HIKESHI: variants seen among roughly 807,000 people sequenced by gnomAD.
The protein encoded by HIKESHI is protein Hikeshi.
A neutral mutation model predicts 25.7 loss-of-function variants in HIKESHI; 13 were observed. The observed-to-expected ratio is 0.51, with a 90% CI of 0.33 to 0.80. The LOEUF (loss-of-function observed/expected upper bound fraction) is 0.80, where lower values mean the gene tolerates loss of function less well. HIKESHI is among the 30% of genes least tolerant of loss of function. HIKESHI has a pLI of 0.02. For missense variants in HIKESHI, 174 were observed against 229.5 expected (o/e 0.76, Z 1.56); for synonymous variants, 76 against 78.7 (o/e 0.97, Z 0.18).
Position 86,302,375 on chromosome 11 carries a change from G to C in HIKESHI, c.-74G>C. Reference sequence around the variant, plus strand: ...CAAATTCTGGAAGGTTCTTAGTCTCGACTAGGGCAGTAGCCCCAGGACTCC... The same window carrying C: ...CAAATTCTGGAAGGTTCTTAGTCTCCACTAGGGCAGTAGCCCCAGGACTCC... On this transcript the variant is annotated 5_prime_UTR_variant, in exon 1 of 5. Coordinates refer to ENST00000278483, the MANE Select transcript of HIKESHI (RefSeq NM_016401.4). 1 of 1,538,368 alleles carries C rather than the reference G, an allele frequency of 6.5e-7. No individual in the cohort carries two copies. The highest frequency in any genetic ancestry group is 8.8e-7 in the Non-Finnish European group (1 of 1,136,910).
rs796296751 is a variant in HIKESHI at position 86,302,257 on chromosome 11, C to G, written c.-192C>G. 3 of 635,678 alleles carry G rather than the reference C, an allele frequency of 4.7e-6. No homozygotes were observed. The African/African-American group carries it at 5.4e-5, about 11-fold the overall frequency. 39.4% of individuals were successfully genotyped at this position (635,678 alleles called of 1,614,324 possible). A position where few individuals can be genotyped will look rare whatever the true frequency, so the allele number is the denominator to read the frequency against. Reference sequence around the variant, plus strand: ...AAGTACTTGTTGCCTGAGCAGTGGGCTGCTTAGGAAGAGAAGGTCAGAGTT... The same window carrying G: ...AAGTACTTGTTGCCTGAGCAGTGGGGTGCTTAGGAAGAGAAGGTCAGAGTT... On this transcript the variant is annotated 5_prime_UTR_variant, in exon 1 of 5. Coordinates refer to ENST00000278483, the MANE Select transcript of HIKESHI (RefSeq NM_016401.4).
At chr11:86,305,889 T>G (rs926336211) in intron 1 of HIKESHI, among the ~76,000 whole-genome samples, 5 of 152,036 alleles carry the variant, frequency 3.3e-5, no homozygotes, top group Admixed American at 6.6e-5. Flanking sequence ...TACTTATGCA[T>G]GAGCCACCAT....
intron 2 of HIKESHI, among the ~76,000 whole-genome samples, chr11:86,311,815 G>T (rs1408694363): frequency 6.6e-6 from 1 of 152,054 alleles, no homozygotes; most frequent in Non-Finnish European, 1.5e-5. Context: ...ATTTCATTAT[G>T]TACCCAGTAG....
intron 2 of HIKESHI, among the ~76,000 whole-genome samples, chr11:86,310,956 C>T (rs1002560428): frequency 5.3e-4 from 80 of 152,196 alleles, no homozygotes; most frequent in Non-Finnish European, 4.9e-4. Flanking sequence ...CTGCTGGATT[C>T]GGTTTGCCAG....
chr11:86,334,294 A>T (rs1947491228), intron 2 of HIKESHI, among the ~76,000 whole-genome samples: 1 of 150,758 alleles, frequency 6.6e-6, no homozygotes, highest in South Asian at 2.1e-4. Context: ...TTAGATGCAA[A>T]TAACAAATGA....
At chr11:86,319,789 G>GT (rs1947103488) in intron 2 of HIKESHI, among the ~76,000 whole-genome samples, 1 of 152,046 alleles carries the variant, frequency 6.6e-6, no homozygotes, top group African/African-American at 2.4e-5. Context: ...TCAGATTTTA[G>GT]TTTTTTAAGT....
chr11:86,334,832 G>A (rs889787117), intron 2 of HIKESHI, among the ~76,000 whole-genome samples: 7 of 152,148 alleles, frequency 4.6e-5, no homozygotes, highest in African/African-American at 1.4e-4. Flanking sequence ...TAGAGATGGG[G>A]TCTCCCCATG....
chr11:86,306,812 C>T (rs1384450798), intron 2 of HIKESHI, among the ~76,000 whole-genome samples: 5 of 151,222 alleles, frequency 3.3e-5, no homozygotes, highest in African/African-American at 9.7e-5. Context: ...TCCTGGATAA[C>T]ACGGTGAAAC....
At chr11:86,325,132 C>G (rs970959019) in intron 2 of HIKESHI, among the ~76,000 whole-genome samples, 3 of 151,484 alleles carry the variant, frequency 2.0e-5, no homozygotes, top group African/African-American at 4.9e-5. Flanking sequence ...GAGCCAAGAT[C>G]GCACCACTCT....
intron 2 of HIKESHI, among the ~76,000 whole-genome samples, chr11:86,320,503 G>C (rs1460782211): frequency 6.6e-6 from 1 of 152,234 alleles, no homozygotes; most frequent in African/African-American, 2.4e-5. Context: ...TTGAACCTGG[G>C]AGGTGGAGGT....
intron 2 of HIKESHI, among the ~76,000 whole-genome samples, chr11:86,313,538 T>C (rs1054473193): frequency 2.6e-5 from 4 of 152,232 alleles, no homozygotes; most frequent in African/African-American, 9.6e-5. Flanking sequence ...TAAAAAGATA[T>C]ATTCTCCTAC....
At chr11:86,307,831 T>A (rs184125083) in intron 2 of HIKESHI, among the ~76,000 whole-genome samples, 27 of 108,360 alleles carry the variant, frequency 2.5e-4, no homozygotes, top group African/African-American at 7.1e-4. Context: ...GTAATATACA[T>A]TATATAAATA....
Position 86,306,403 on chromosome 11 carries a change from A to T in HIKESHI, c.189A>T (p.Gly63=). The stretch of plus-strand genomic sequence containing the variant: ...ACTTTTCTTATCCTGATTCAAATGG[A>T]ATGCCAGTATGGCAACTCCTAGGAT... ...SVYFSYPDSN[G]MPVWQLLGFV... is the part of the protein sequence containing the mutation. The change falls in exon 2 of 5, where the codon GGA becomes GGT. Residue 63 remains glycine (G), a synonymous_variant. Coordinates refer to ENST00000278483, the MANE Select transcript of HIKESHI (RefSeq NM_016401.4). 1.2e-6 allele frequency: 2 copies of T among 1,614,086 alleles called. No homozygotes were observed. The highest frequency in any genetic ancestry group is 1.7e-6 in the Non-Finnish European group (2 of 1,179,936).
chr11:86,306,755 T>C (rs291248), intron 2 of HIKESHI, among the ~76,000 whole-genome samples: 93,783 of 151,270 alleles, frequency 0.62, 29,277 homozygotes, highest in East Asian at 0.79. Context: ...TCCCAGCACT[T>C]TGGGAGGCCC....
At chr11:86,314,520 C>T (rs1593822073) in intron 2 of HIKESHI, among the ~76,000 whole-genome samples, 1 of 152,188 alleles carries the variant, frequency 6.6e-6, no homozygotes, top group South Asian at 2.1e-4. Context: ...GAGACTGAGG[C>T]ATGAGAATCG....
chr11:86,308,116 C>CT, intron 2 of HIKESHI, among the ~76,000 whole-genome samples: 1 of 110,334 alleles, frequency 9.1e-6, no homozygotes, highest in South Asian at 2.4e-4. Flanking sequence ...ACTATATATA[C>CT]AGTATACTAT....
intron 2 of HIKESHI, among the ~76,000 whole-genome samples, chr11:86,319,245 T>A (rs1368296255): frequency 1.8e-3 from 250 of 138,352 alleles, no homozygotes; most frequent in African/African-American, 5.1e-3. Context: ...TATATATATT[T>A]TTTTTTTTTT....
chr11:86,318,076 G>T (rs546367257), intron 2 of HIKESHI, among the ~76,000 whole-genome samples: 4 of 151,582 alleles, frequency 2.6e-5, no homozygotes, highest in African/African-American at 7.3e-5. Context: ...AGGCTGAGGC[G>T]GGCGGATCAC....
chr11:86,334,613 G>T (rs140411062), intron 2 of HIKESHI, among the ~76,000 whole-genome samples: 1 of 151,966 alleles, frequency 6.6e-6, no homozygotes, highest in Non-Finnish European at 1.5e-5. Context: ...ATGTTTTCTG[G>T]ATTTTAGCAT....
Sources: gnomAD v4.1 joint callset for allele counts (sites outside exome capture counted in the v4.1 genomes callset) on GRCh38, gnomAD v4.1.1 for gene constraint, MANE v1.5 for transcripts, NCBI Gene and HGNC (gene_info 2026-07-23, HGNC 2026-07-21) for gene names.